Variants in UBE4B observed in about 807,000 individuals in gnomAD.
The protein encoded by UBE4B is ubiquitin conjugation factor E4 B.
Under a neutral mutation model 148.1 loss-of-function variants are expected in UBE4B, and 27 were observed. The ratio of observed to expected loss-of-function variants is 0.18; its 90% CI spans 0.13 to 0.25. The LOEUF is 0.25. Among genes scored for constraint, UBE4B ranks in the 10% least tolerant of loss-of-function variants. UBE4B has a pLI of 1.00. For missense variants in UBE4B, 1,170 were observed against 1,662.4 expected, an observed-to-expected ratio of 0.70 and a Z score of 5.15; for synonymous variants, 596 against 619.3, an observed-to-expected ratio of 0.96 and a Z score of 0.56.
chr1:10,034,744 T>C (rs563990154), intron 1 of UBE4B, among the ~76,000 whole-genome samples: 3 of 152,308 alleles, frequency 2.0e-5, no homozygotes, highest in Admixed American at 1.3e-4. Context: ...TTAGTGTGTT[T>C]ACTTAGGGAC....
At chr1:10,148,806 G>A (rs1287555994) in intron 19 of UBE4B, among the ~76,000 whole-genome samples, 1 of 151,860 alleles carries the variant, frequency 6.6e-6, no homozygotes, top group Non-Finnish European at 1.5e-5. Flanking sequence ...CAGGTATGGT[G>A]GCACGTGCCT....
chr1:10,099,468 C>T (rs1250846506), intron 3 of UBE4B, among the ~76,000 whole-genome samples: 2 of 151,954 alleles, frequency 1.3e-5, no homozygotes, highest in African/African-American at 2.4e-5. Flanking sequence ...GAGAAAATTA[C>T]TAAAGCTTAT....
At chr1:10,036,888 GTT>G (rs1643558651) in intron 1 of UBE4B, among the ~76,000 whole-genome samples, 1 of 152,244 alleles carries the variant, frequency 6.6e-6, no homozygotes, top group South Asian at 2.1e-4. Context: ...GTAAGGCAGA[GTT>G]TCATATTTTA....
chr1:10,116,577 C>G lies in UBE4B; in HGVS notation c.1197-882C>G, dbSNP rs150230101. Among the ~76,000 whole-genome samples the G allele has an allele frequency of 4.8e-3, 723 of 152,178 alleles. 9 individuals carry two copies. Among genetic ancestry groups the G allele is most frequent in the African/African-American group, 0.016 (679 of 41,506 alleles). On this transcript the variant is annotated intron_variant, in intron 7 of 27. Coordinates refer to ENST00000343090, the MANE Select transcript of UBE4B (RefSeq NM_001105562.3). The stretch of plus-strand genomic sequence containing the variant: ...ATGTGTCTTTTATGTATATCAAATC[C>G]GTTTGTGAGTTAAACACCAGATTTG...
At chr1:10,047,762 G>A (rs1345957629) in intron 1 of UBE4B, among the ~76,000 whole-genome samples, 1 of 152,162 alleles carries the variant, frequency 6.6e-6, no homozygotes, top group Non-Finnish European at 1.5e-5. Flanking sequence ...AGAGTGCTGG[G>A]ATTACAGGCT....
At chr1:10,057,533 G>C (rs763727425) in intron 1 of UBE4B, among the ~76,000 whole-genome samples, 1 of 148,162 alleles carries the variant, frequency 6.7e-6, no homozygotes, top group Non-Finnish European at 1.5e-5. Context: ...TCTCCTGCCT[G>C]AGCCTCCTGA....
At position 10,171,181 on chromosome 1, in the gene UBE4B, A is replaced by G; in HGVS notation, c.3377A>G (p.Gln1126Arg). ...RLAAMLNFNL[Q>R]QLCGPKCRDL... ...GCTGCAATGCTGAACTTTAATCTTCAGCAACTTTGTGGCCCCAAGTGCCGT... is the reference window on the plus strand; with the variant it reads ...GCTGCAATGCTGAACTTTAATCTTCGGCAACTTTGTGGCCCCAAGTGCCGT... The change falls in exon 25 of 28, where the codon CAG becomes CGG. Residue 1126 changes from glutamine (Q) to arginine (R), a missense_variant. Gln to Arg is a conservative substitution (Grantham distance 43). This residue lies in a region of UBE4B where 348 missense variants were observed against 627.2 expected (regional missense o/e 0.55). Transcript: ENST00000343090. 6.2e-7 allele frequency: 1 copy of G among 1,614,208 alleles called. No individual in the cohort carries two copies. Among genetic ancestry groups the G allele is most frequent in the Non-Finnish European group, 8.5e-7 (1 of 1,180,030 alleles).
At chr1:10,053,460 T>A (rs1298661540) in intron 1 of UBE4B, among the ~76,000 whole-genome samples, 2 of 149,954 alleles carry the variant, frequency 1.3e-5, no homozygotes, top group Admixed American at 6.6e-5. Context: ...ATTTATTTTT[T>A]ATTTAATTTT....
chr1:10,064,672 C>A (rs533236155), intron 1 of UBE4B, among the ~76,000 whole-genome samples: 12 of 152,234 alleles, frequency 7.9e-5, no homozygotes, highest in African/African-American at 2.9e-4. Flanking sequence ...GCTAGTCCAT[C>A]TCTGTGCCTA....
At chr1:10,114,805 A>C (rs376848883) in intron 7 of UBE4B, among the ~76,000 whole-genome samples, 40 of 152,174 alleles carry the variant, frequency 2.6e-4, no homozygotes, top group African/African-American at 9.2e-4. Flanking sequence ...CGGAGTTTGC[A>C]CTGAGCAGAG....
chr1:10,116,747 GCA>G (rs1416417297), intron 7 of UBE4B, among the ~76,000 whole-genome samples: 1 of 152,126 alleles, frequency 6.6e-6, no homozygotes, highest in African/African-American at 2.4e-5. Flanking sequence ...ATTTTACAAA[GCA>G]CCTCCACATT....
intron 22 of UBE4B, among the ~76,000 whole-genome samples, chr1:10,158,949 G>C (rs1390257333): frequency 2.0e-5 from 3 of 151,002 alleles, no homozygotes; most frequent in African/African-American, 7.3e-5. Flanking sequence ...GGCAGAATTT[G>C]CAGTGAGCCG....
chr1:10,106,346 C>G lies in UBE4B; in HGVS notation c.959C>G (p.Ala320Gly). 2 of 1,614,002 alleles carry G rather than the reference C, an allele frequency of 1.2e-6. No individual in the cohort carries two copies. Among genetic ancestry groups the G allele is most frequent in the Non-Finnish European group, 1.7e-6 (2 of 1,179,886 alleles). ...LSPHSAASGT[A>G]AGSQPSSPRY... Reference sequence around the variant, plus strand: ...CCTCACAGTGCAGCCTCTGGAACTGCTGCGGGAAGCCAGCCTTCATCCCCG... The same window carrying G: ...CCTCACAGTGCAGCCTCTGGAACTGGTGCGGGAAGCCAGCCTTCATCCCCG... The change falls in exon 7 of 28, where the codon GCT becomes GGT. Residue 320 changes from alanine (A) to glycine (G), a missense_variant. By Grantham distance (60) the Ala-to-Gly change is moderately conservative. Coordinates refer to ENST00000343090, the MANE Select transcript of UBE4B (RefSeq NM_001105562.3). This position sits in a 1 kb window ranked among gnomAD's most constrained non-coding sequence, Gnocchi z 4.2.
intron 2 of UBE4B, chr1:10,072,867 A>T (rs1644512681): frequency 6.3e-6 from 1 of 158,656 alleles, no homozygotes; most frequent in East Asian, 1.8e-4. Flanking sequence ...CTATTTTATA[A>T]TTAGGATTCT....
At chr1:10,176,307 A>G (rs771105509) in intron 25 of UBE4B, among the ~76,000 whole-genome samples, 2 of 152,190 alleles carry the variant, frequency 1.3e-5, no homozygotes, top group African/African-American at 4.8e-5. Flanking sequence ...TGCTATGAAC[A>G]TTTGTGTAAA....
At chr1:10,179,700 G>A in intron 27 of UBE4B, 138 bp downstream of exon 27, 4 of 1,444,012 alleles carry the variant, frequency 2.8e-6, no homozygotes, top group Non-Finnish European at 3.7e-6. Context: ...CTGTAGCAAA[G>A]ACCCAAAACA....
intron 2 of UBE4B, among the ~76,000 whole-genome samples, chr1:10,075,920 T>A (rs1380391524): frequency 6.6e-6 from 1 of 152,046 alleles, no homozygotes; most frequent in Non-Finnish European, 1.5e-5. Context: ...GGTGCACACA[T>A]GTAGTCCCAG....
At chr1:10,166,273 A>G (rs954709450) in intron 23 of UBE4B, 1 of 152,194 alleles carries the variant, frequency 6.6e-6, no homozygotes, top group Non-Finnish European at 1.5e-5. Flanking sequence ...GATTGTATCC[A>G]TGAGTCAAAC....
chr1:10,128,337 T>A (rs1645535984), intron 11 of UBE4B: 2 of 152,190 alleles, frequency 1.3e-5, no homozygotes, highest in African/African-American at 4.8e-5. Flanking sequence ...GATGCTTGCA[T>A]AATAACGAGG....
Sources: gnomAD v4.1 joint callset for allele counts (sites outside exome capture counted in the v4.1 genomes callset) on GRCh38, gnomAD v4.1.1 for gene constraint, gnomAD v4.1.1 regional missense constraint, Gnocchi (gnomAD v3.1) non-coding constraint, MANE v1.5 for transcripts, NCBI Gene and HGNC (gene_info 2026-07-23, HGNC 2026-07-21) for gene names.